Variants in CEP85 observed in about 807,000 individuals in gnomAD.
The protein encoded by CEP85 is centrosomal protein 85.
CEP85 carries 58 observed loss-of-function variants against 93.7 expected under a neutral mutation model. The ratio of observed to expected loss-of-function variants is 0.62; its 90% CI spans 0.50 to 0.77. The LOEUF (loss-of-function observed/expected upper bound fraction) is 0.77. CEP85 is among the 30% of genes least tolerant of loss of function. CEP85 has a pLI of 0.00. For synonymous variants in CEP85, 314 were observed against 338.6 expected (o/e 0.93, Z 0.80); for missense variants, 868 against 922.0 (o/e 0.94, Z 0.76).
At chr1:26,250,315 T>C (rs1289220576) in intron 3 of CEP85, among the ~76,000 whole-genome samples, 1 of 152,208 alleles carries the variant, frequency 6.6e-6, no homozygotes, top group Non-Finnish European at 1.5e-5. Context: ...TAGATTCTCA[T>C]AGGAGCACGA....
intron 3 of CEP85, among the ~76,000 whole-genome samples, chr1:26,246,788 GT>G (rs1214068220): frequency 4.0e-5 from 6 of 151,836 alleles, no homozygotes; most frequent in African/African-American, 1.2e-4. Context: ...TCTGTAGTAT[GT>G]TACTAGAGAA....
chr1:26,244,128 T>C, intron 2 of CEP85, 38 bp from the exon 3 acceptor site: 1 of 1,600,768 alleles, frequency 6.2e-7, no homozygotes, highest in South Asian at 1.1e-5. Flanking sequence ...TTACATCAGC[T>C]GGTTCACAGT....
At chr1:26,254,169 C>T (rs1411832159) in intron 3 of CEP85, among the ~76,000 whole-genome samples, 1 of 152,028 alleles carries the variant, frequency 6.6e-6, no homozygotes, top group Non-Finnish European at 1.5e-5. Flanking sequence ...GATTTGGGAA[C>T]GAGTACTGAA....
intron 6 of CEP85, 138 bp from the exon 7 acceptor site, chr1:26,259,478 TA>T: frequency 1.3e-6 from 1 of 778,102 alleles, no homozygotes; most frequent in Non-Finnish European, 2.1e-6. Context: ...CTGTTAACCC[TA>T]AGACCTAGTT....
chr1:26,268,752 C>T (rs1051924950), intron 8 of CEP85, 117 bp downstream of exon 8: 1 of 1,027,050 alleles, frequency 9.7e-7, no homozygotes, highest in Non-Finnish European at 1.4e-6. Context: ...AATCCCAAAG[C>T]AGTCATGTCC....
In CEP85 at chr1:26,250,925, C is replaced by CTTTTTTTTTTTTTTTTTT. The variant is rs71581048; in HGVS notation, c.209-4240_209-4239insTTTTTTTTTTTTTTTTTT. Among the ~76,000 whole-genome samples the CTTTTTTTTTTTTTTTTTT allele has an allele frequency of 1.3e-4, 7 of 55,158 alleles. 1 individual carries two copies. The highest frequency in any genetic ancestry group is 1.2e-3 in the East Asian group (2 of 1,718). The allele number at this position is 55,158 out of a possible 152,430, so 36.2% of individuals were successfully genotyped here. ...TGAGCCAAGCTTGCCTTTTTTTTTT[C>CTTTTTTTTTTTTTTTTTT]TTTTTTCTTTTTTTTTTTTTTTTTT... On this transcript the variant is annotated intron_variant, in intron 3 of 13. Transcript: ENST00000451429.
intron 2 of CEP85, among the ~76,000 whole-genome samples, chr1:26,240,689 GT>G (rs2089407832): frequency 6.6e-6 from 1 of 152,206 alleles, no homozygotes; most frequent in South Asian, 2.1e-4. Context: ...GAGGTCAGGA[GT>G]TTGAGACCAG....
intron 7 of CEP85, among the ~76,000 whole-genome samples, chr1:26,267,700 C>T (rs1016853539): frequency 4.6e-5 from 7 of 152,182 alleles, no homozygotes; most frequent in Admixed American, 4.6e-4. Flanking sequence ...TATGTGTTTA[C>T]CTACCAGGAA....
Position 26,276,730 on chromosome 1 carries a change from C to G in CEP85, c.2098C>G (p.Pro700Ala). 2 of 1,614,046 alleles carry G rather than the reference C, an allele frequency of 1.2e-6. No individual in the cohort carries two copies. Among genetic ancestry groups the G allele is most frequent in the Non-Finnish European group, 1.7e-6 (2 of 1,179,974 alleles). Reference protein sequence around the residue: ...IVTQRAQGHDPNLSLLLGIHS... With the variant: ...IVTQRAQGHDANLSLLLGIHS... ...GACCCAGAGGGCCCAGGGCCATGAC[C>G]CCAATCTCTCCCTGCTCCTGGGCAT... The change falls in exon 13 of 14, where the codon CCC (proline) becomes GCC (alanine). Residue 700 changes from proline to alanine, a missense_variant. Transcript: ENST00000451429.
intron 4 of CEP85, 105 bp from the exon 5 acceptor site, chr1:26,257,492 T>G: frequency 1.6e-5 from 22 of 1,374,320 alleles, no homozygotes; most frequent in Non-Finnish European, 2.0e-5. Flanking sequence ...CTCATCAGGC[T>G]GAGCCAAGTT....
In CEP85 at chr1:26,272,031, A is replaced by C. The variant is rs1156674592; in HGVS notation, c.1754A>C (p.Lys585Thr). The C allele has an allele frequency of 1.2e-6, 2 of 1,614,120 alleles. No individual in the cohort carries two copies. The highest frequency in any genetic ancestry group is 1.7e-6 in the Non-Finnish European group (2 of 1,179,994). ...AACTTTGCCTTTCAGATTGTGGAGAAGCAGCAGCAGAAGATGGATCAGTTG... is the reference window on the plus strand; with the variant it reads ...AACTTTGCCTTTCAGATTGTGGAGACGCAGCAGCAGAAGATGGATCAGTTG... ...RYDSLQKIVE[K>T]QQQKMDQLRS... is the part of the protein sequence containing the mutation. Residue 585 changes from lysine (K) to threonine (T), a missense_variant, in exon 11 of 14, where the codon AAG becomes ACG. By Grantham distance (78) the Lys-to-Thr change is moderately conservative (BLOSUM62 -1). Transcript: ENST00000451429.
intron 1 of CEP85, among the ~76,000 whole-genome samples, chr1:26,238,202 CTTTT>C (rs67466493): frequency 4.5e-5 from 4 of 88,300 alleles, no homozygotes; most frequent in African/African-American, 1.8e-4. Context: ...GTCCCAAACT[CTTTT>C]TTTTTTTTTT....
At chr1:26,271,935 C>T (rs1484573752) in intron 10 of CEP85, 86 bp from the exon 11 acceptor site, 3 of 1,123,376 alleles carry the variant, frequency 2.7e-6, no homozygotes, top group African/African-American at 1.5e-5. Context: ...AATAGCCAGA[C>T]CACATGTCCT....
intron 7 of CEP85, among the ~76,000 whole-genome samples, chr1:26,260,500 G>C (rs61777791): frequency 7.4e-6 from 1 of 135,682 alleles, no homozygotes; most frequent in Admixed American, 7.7e-5. Context: ...CTCCGTCTCA[G>C]GAAAAAAAAA....
At chr1:26,239,505 C>G (rs1015110119) in intron 1 of CEP85, among the ~76,000 whole-genome samples, 1 of 152,112 alleles carries the variant, frequency 6.6e-6, no homozygotes, top group East Asian at 1.9e-4. Context: ...ATGTGTGCCA[C>G]CATGCCCGGC....
chr1:26,267,539 G>A (rs1217397669), intron 7 of CEP85, among the ~76,000 whole-genome samples: 4 of 152,146 alleles, frequency 2.6e-5, no homozygotes, highest in Non-Finnish European at 5.9e-5. Context: ...ATTCCAGCCT[G>A]GGCAACAAGA....
intron 3 of CEP85, among the ~76,000 whole-genome samples, chr1:26,250,007 A>C (rs774928611): frequency 6.6e-6 from 1 of 152,192 alleles, no homozygotes; most frequent in African/African-American, 2.4e-5. Flanking sequence ...TAGACTACTG[A>C]GTAGCTGGGC....
chr1:26,258,055 C>A, intron 5 of CEP85, 88 bp from the exon 6 acceptor site: 1 of 852,568 alleles, frequency 1.2e-6, no homozygotes. Flanking sequence ...TAAGATCTTG[C>A]TTACGTAATA....
intron 7 of CEP85, among the ~76,000 whole-genome samples, chr1:26,261,832 T>C (rs1487372786): frequency 6.6e-6 from 1 of 152,168 alleles, no homozygotes; most frequent in South Asian, 2.1e-4. Flanking sequence ...TGCATGGTTA[T>C]ACAGTCTGAA....
Sources: gnomAD v4.1 joint callset for allele counts (sites outside exome capture counted in the v4.1 genomes callset) on GRCh38, gnomAD v4.1.1 for gene constraint, MANE v1.5 for transcripts, NCBI Gene and HGNC (gene_info 2026-07-23, HGNC 2026-07-21) for gene names.